Variants in GMFB observed in about 807,000 individuals in gnomAD.
The protein encoded by GMFB is GMF-beta.
In GMFB, 13 loss-of-function variants were observed where a neutral mutation model predicts 25.6. The ratio of observed to expected loss-of-function variants is 0.51; its 90% confidence interval spans 0.33 to 0.81. The LOEUF is 0.81. GMFB is among the 30% of genes least tolerant of loss of function. GMFB has a pLI of 0.02. For synonymous variants in GMFB, 57 were observed against 56.9 expected, an observed-to-expected ratio of 1.00 and a Z score of 0.00; for missense variants, 146 against 175.4, an observed-to-expected ratio of 0.83 and a Z score of 0.95.
intron 6 of GMFB, chr14:54,479,534 T>G: frequency 2.5e-6 from 1 of 396,004 alleles, no homozygotes; most frequent in South Asian, 3.4e-5. Context: ...ATTTAATAGT[T>G]ACAGTGGCTT....
rs771198764 is a variant in GMFB at position 54,483,706 on chromosome 14, C to T, written c.65G>A (p.Arg22His). Residue 22 changes from arginine to histidine, a missense_variant, in exon 2 of 7, where the codon CGT (arginine) becomes CAT (histidine). Physicochemically the swap from Arg to His is conservative, Grantham distance 29 (BLOSUM62 0). Coordinates refer to ENST00000358056, the MANE Select transcript of GMFB (RefSeq NM_004124.3). ...EDLVEKLRKFRFRKETNNAAI... is the reference protein window; with the variant it reads ...EDLVEKLRKFHFRKETNNAAI... ...AGCGTTGTTCGTTTCTTTGCGAAAA[C>T]GAAACTTTCTCAGCTTTTCCACTAA... 3 of 1,608,372 alleles carry T rather than the reference C, an allele frequency of 1.9e-6. No homozygotes were observed. The highest frequency in any genetic ancestry group is 2.6e-6 in the Non-Finnish European group (3 of 1,175,122).
Position 54,477,867 on chromosome 14 carries a change from T to G in GMFB, c.*221A>C. On this transcript the variant is annotated 3_prime_UTR_variant, in exon 7 of 7. Coordinates refer to ENST00000358056, the MANE Select transcript of GMFB (RefSeq NM_004124.3). ...GCAAAAAGTCCCTGGAGAAAAGTAG[T>G]CCACCTAACAATTACCAATATAAGG... 5.3e-6 allele frequency: 2 copies of G among 375,684 alleles called. No individual in the cohort carries two copies. Among genetic ancestry groups the G allele is most frequent in the South Asian group, 1.7e-4 (2 of 12,024 alleles). 23.3% of individuals were successfully genotyped at this position (375,684 alleles called of 1,614,324 possible).
At chr14:54,484,928 G>A (rs931319674) in intron 1 of GMFB, among the ~76,000 whole-genome samples, 1 of 151,748 alleles carries the variant, frequency 6.6e-6, no homozygotes, top group African/African-American at 2.4e-5. Flanking sequence ...AACAAAAATC[G>A]TATCATTTCA....
Position 54,488,941 on chromosome 14 carries a change from G to C in GMFB, c.-14C>G. The C allele has an allele frequency of 1.9e-6, 3 of 1,559,708 alleles. No individual in the cohort carries two copies. The highest frequency in any genetic ancestry group is 2.6e-6 in the Non-Finnish European group (3 of 1,156,020). ...GCAACTCACCATTTTCCTTCCGGCC[G>C]TCAGCGGCCTGTCGCCTACACTCGG... is the stretch of plus-strand genomic sequence containing the variant. On this transcript the variant is annotated 5_prime_UTR_variant, in exon 1 of 7. Coordinates refer to ENST00000358056, the MANE Select transcript of GMFB (RefSeq NM_004124.3).
chr14:54,483,590 C>T (rs949025317), intron 2 of GMFB, 81 bp downstream of exon 2: 1 of 717,862 alleles, frequency 1.4e-6, no homozygotes, highest in South Asian at 1.7e-5. Flanking sequence ...TGCTTTCCAA[C>T]GGTTCAGTTC....
chr14:54,486,345 G>A (rs975907817), intron 1 of GMFB, among the ~76,000 whole-genome samples: 3 of 152,174 alleles, frequency 2.0e-5, no homozygotes, highest in African/African-American at 4.8e-5. Context: ...TGTAAGATCT[G>A]AAACTATACA....
chr14:54,487,487 G>C (rs534854573), intron 1 of GMFB, among the ~76,000 whole-genome samples: 5 of 151,874 alleles, frequency 3.3e-5, no homozygotes, highest in Admixed American at 3.3e-4. Flanking sequence ...TGCAGTGAGC[G>C]GAGATCGCGC....
intron 1 of GMFB, among the ~76,000 whole-genome samples, chr14:54,486,936 C>T (rs2140036840): frequency 6.6e-6 from 1 of 152,212 alleles, no homozygotes; most frequent in South Asian, 2.1e-4. Flanking sequence ...ACCAGATATA[C>T]TAGGCTTCTG....
At chr14:54,479,727 T>C (rs1594632864) in intron 6 of GMFB, 59 bp downstream of exon 6, 2 of 980,394 alleles carry the variant, frequency 2.0e-6, no homozygotes, top group South Asian at 1.3e-5. Flanking sequence ...ATTTTAGCTA[T>C]TGCTTTATAG....
At chr14:54,481,358 G>T in intron 4 of GMFB, 51 bp downstream of exon 4, 2 of 1,182,592 alleles carry the variant, frequency 1.7e-6, no homozygotes, top group Non-Finnish European at 2.5e-6. Flanking sequence ...CTCACAAACA[G>T]GTCTGACCAC....
intron 1 of GMFB, 90 bp from the exon 2 acceptor site, chr14:54,483,857 A>G: frequency 1.3e-6 from 1 of 759,462 alleles, no homozygotes; most frequent in Admixed American, 2.0e-5. Context: ...TATAATGCAT[A>G]CTGACATTCA....
chr14:54,487,494 G>T (rs1057349336), intron 1 of GMFB, among the ~76,000 whole-genome samples: 5 of 151,724 alleles, frequency 3.3e-5, no homozygotes, highest in Non-Finnish European at 7.4e-5. Context: ...AGCGGAGATC[G>T]CGCCACTGCA....
At chr14:54,480,845 AT>A in intron 5 of GMFB, 28 bp downstream of exon 5, 1 of 1,131,234 alleles carries the variant, frequency 8.8e-7, no homozygotes, top group Non-Finnish European at 1.3e-6. Context: ...TCTAAGCCAA[AT>A]ATGTGTTATT....
intron 6 of GMFB, 188 bp from the exon 7 acceptor site, chr14:54,478,347 C>T: frequency 2.7e-6 from 1 of 372,988 alleles, no homozygotes; most frequent in Non-Finnish European, 4.9e-6. Flanking sequence ...TGAGATATAC[C>T]TTTTAGGTAG....
At chr14:54,479,735 T>C (rs1017025724) in intron 6 of GMFB, 51 bp downstream of exon 6, 11 of 1,067,206 alleles carry the variant, frequency 1.0e-5, no homozygotes, top group Non-Finnish European at 1.6e-5. Flanking sequence ...TATTGCTTTA[T>C]AGTCTAAAGG....
Position 54,485,966 on chromosome 14 carries a change from C to T in GMFB, c.4-2199G>A, listed in dbSNP as rs181267837. On this transcript the variant is annotated intron_variant, in intron 1 of 6. Transcript: ENST00000358056. The stretch of plus-strand genomic sequence containing the variant: ...AGCTATATGCAGAATAAAACCAGAC[C>T]CCGGGCCGGGCACAGTGGCTCACGC... 1.7e-3 allele frequency among the ~76,000 whole-genome samples: 265 copies of T among 152,172 alleles called. 1 individual carries two copies. Among genetic ancestry groups the T allele is most frequent in the African/African-American group, 6.2e-3 (258 of 41,530 alleles).
rs1239557484 is a variant in GMFB, at chr14:54,476,255, A to T, written c.*1833T>A. ...GGACCTCCAAATTTAAAAATAAGCA[A>T]AACTAAAACATGCAAGACAAAATAA... is the stretch of plus-strand genomic sequence containing the variant. On this transcript the variant is annotated 3_prime_UTR_variant, in exon 7 of 7. Transcript: ENST00000358056. 6.6e-6 allele frequency: 1 copy of T among 152,034 alleles called. No individual in the cohort carries two copies. Among genetic ancestry groups the T allele is most frequent in the Non-Finnish European group, 1.5e-5 (1 of 67,898 alleles). 9.4% of individuals were successfully genotyped at this position (152,034 alleles called of 1,614,324 possible).
chr14:54,488,330 C>G (rs2031817167), intron 1 of GMFB, among the ~76,000 whole-genome samples: 1 of 152,198 alleles, frequency 6.6e-6, no homozygotes, highest in Admixed American at 6.5e-5. Flanking sequence ...TACTTTAAGG[C>G]CCAGTGCCAA....
chr14:54,486,680 T>C (rs552341063), intron 1 of GMFB, among the ~76,000 whole-genome samples: 2 of 152,216 alleles, frequency 1.3e-5, no homozygotes, highest in African/African-American at 4.8e-5. Flanking sequence ...CACTGTTATA[T>C]CCTTTACATA....
Sources: allele counts gnomAD v4.1 joint callset (sites outside exome capture counted in the v4.1 genomes callset), GRCh38; gene constraint gnomAD v4.1.1; transcripts MANE v1.5; gene names NCBI Gene and HGNC (gene_info 2026-07-23, HGNC 2026-07-21).